MYO3B: variants seen among roughly 807,000 people sequenced by gnomAD.
MYO3B encodes myosin-IIIb.
MYO3B carries 156 observed loss-of-function variants against 174.6 expected under a neutral mutation model. The ratio of observed to expected loss-of-function variants is 0.89; its 90% CI spans 0.78 to 1.02. MYO3B has a LOEUF of 1.02. Ranked by LOEUF, MYO3B falls within the 50% of genes least tolerant of loss-of-function variation. MYO3B has a pLI of 0.00. For synonymous variants in MYO3B, 563 were observed against 569.1 expected, an observed-to-expected ratio of 0.99 and a Z score of 0.15; for missense variants, 1,632 against 1,639.4, an observed-to-expected ratio of 1.00 and a Z score of 0.08.
Position 170,400,180 on chromosome 2 carries a change from CT to C in MYO3B, c.1792-4del. On this transcript the variant is annotated splice_region_variant and splice_polypyrimidine_tract_variant and intron_variant, in intron 16 of 34. Transcript: ENST00000408978. The stretch of plus-strand genomic sequence containing the variant: ...ACCTTCATATATGGTTCTTGATGTC[CT>C]TTTCAGGAGGTGCACTCAGTGTACA... 6.2e-7 allele frequency: 1 copy of C among 1,613,892 alleles called. No individual in the cohort carries two copies. Among genetic ancestry groups the C allele is most frequent in the Non-Finnish European group, 8.5e-7 (1 of 1,179,934 alleles).
intron 29 of MYO3B, among the ~76,000 whole-genome samples, chr2:170,517,232 A>G (rs1287334449): frequency 1.3e-5 from 2 of 152,370 alleles, no homozygotes; most frequent in East Asian, 3.9e-4. Flanking sequence ...TATACTTCAA[A>G]TAACTCTTAA....
At chr2:170,551,631 T>TGGAAGAA (rs1359164639) in intron 32 of MYO3B, among the ~76,000 whole-genome samples, 1 of 77,720 alleles carries the variant, frequency 1.3e-5, no homozygotes, top group East Asian at 2.4e-4. Flanking sequence ...GACAAAGGGA[T>TGGAAGAA]GGAAGAAGAA....
In MYO3B at chr2:170,301,390, G is replaced by T. The variant is rs1350036287; in HGVS notation, c.750-33995G>T. On this transcript the variant is annotated intron_variant, in intron 7 of 34. Transcript: ENST00000408978. ...CATCAAATGATTTATCTGAAATCAG[G>T]AAACAACCACTTATAATACCTCAGA... 3.9e-5 allele frequency among the ~76,000 whole-genome samples: 6 copies of T among 152,150 alleles called. No homozygotes were observed. The East Asian group carries it at 1.2e-3, about 29-fold the overall frequency.
At chr2:170,549,585 A>G (rs1690749797) in intron 32 of MYO3B, among the ~76,000 whole-genome samples, 1 of 152,150 alleles carries the variant, frequency 6.6e-6, no homozygotes, top group African/African-American at 2.4e-5. Flanking sequence ...TTTGGCAGCA[A>G]TTCAGCTATC....
At chr2:170,507,025 T>C (rs1687657616) in intron 28 of MYO3B, among the ~76,000 whole-genome samples, 1 of 152,226 alleles carries the variant, frequency 6.6e-6, no homozygotes, top group South Asian at 2.1e-4. Flanking sequence ...ACACAAAAGC[T>C]AAATTCTTCA....
intron 32 of MYO3B, among the ~76,000 whole-genome samples, chr2:170,635,182 A>G (rs1365429447): frequency 6.6e-6 from 1 of 152,236 alleles, no homozygotes; most frequent in Non-Finnish European, 1.5e-5. Context: ...TTGTGGCATT[A>G]TTCACAGTAT....
chr2:170,383,584 A>G (rs2105741479), intron 11 of MYO3B, 126 bp from the exon 12 acceptor site: 1 of 708,316 alleles, frequency 1.4e-6, no homozygotes, highest in Non-Finnish European at 2.4e-6. Context: ...TCCAGAACCT[A>G]TACCCTACAG....
intron 22 of MYO3B, among the ~76,000 whole-genome samples, chr2:170,436,434 T>C (rs963387150): frequency 6.6e-6 from 1 of 152,226 alleles, no homozygotes; most frequent in Non-Finnish European, 1.5e-5. Context: ...TTCCCACTCA[T>C]TATAAAGCTC....
intron 6 of MYO3B, among the ~76,000 whole-genome samples, chr2:170,224,332 T>C (rs142615764): frequency 8.5e-5 from 13 of 152,324 alleles, no homozygotes; most frequent in African/African-American, 3.1e-4. Flanking sequence ...TTGAAGCTGT[T>C]TGGCTTTTCA....
chr2:170,487,199 T>C (rs1310092878), intron 25 of MYO3B, among the ~76,000 whole-genome samples: 1 of 152,226 alleles, frequency 6.6e-6, no homozygotes, highest in Non-Finnish European at 1.5e-5. Flanking sequence ...CAGTTTCTCA[T>C]ACGACATGGC....
chr2:170,464,594 T>C (rs554663620), intron 24 of MYO3B, among the ~76,000 whole-genome samples: 9 of 152,236 alleles, frequency 5.9e-5, no homozygotes, highest in Admixed American at 2.0e-4. Flanking sequence ...GCCTAGCCAA[T>C]TGTGCTTCAG....
intron 32 of MYO3B, 39 bp from the exon 33 acceptor site, chr2:170,651,589 C>T (rs1353719725): frequency 6.4e-7 from 1 of 1,567,384 alleles, no homozygotes; most frequent in East Asian, 2.2e-5. Flanking sequence ...TTTCCCAACA[C>T]CTCGGACAGT....
intron 6 of MYO3B, among the ~76,000 whole-genome samples, chr2:170,225,853 C>T (rs1289487331): frequency 6.6e-6 from 1 of 152,182 alleles, no homozygotes; most frequent in Non-Finnish European, 1.5e-5. Context: ...TGCAACTGTT[C>T]AGGGCAGTGC....
chr2:170,585,694 G>T (rs1400679837), intron 32 of MYO3B, among the ~76,000 whole-genome samples: 1 of 152,104 alleles, frequency 6.6e-6, no homozygotes, highest in African/African-American at 2.4e-5. Flanking sequence ...CCAGCAACAG[G>T]CTCTGAACAA....
intron 30 of MYO3B, among the ~76,000 whole-genome samples, chr2:170,526,148 AC>A (rs1688983691): frequency 6.6e-6 from 1 of 152,198 alleles, no homozygotes; most frequent in Non-Finnish European, 1.5e-5. Flanking sequence ...TAGTTGAATT[AC>A]TTACGAGCTA....
chr2:170,590,743 C>T (rs1266907642), intron 32 of MYO3B, among the ~76,000 whole-genome samples: 1 of 152,082 alleles, frequency 6.6e-6, no homozygotes, highest in East Asian at 1.9e-4. Context: ...TGCAGAGAAA[C>T]CCAAAAGGGG....
chr2:170,196,505 G>C (rs1369362238), intron 1 of MYO3B, among the ~76,000 whole-genome samples: 1 of 152,184 alleles, frequency 6.6e-6, no homozygotes, highest in Non-Finnish European at 1.5e-5. Context: ...GACAGAGTGA[G>C]AGCCTGTCTC....
At chr2:170,558,217 T>A (rs939426143) in intron 32 of MYO3B, among the ~76,000 whole-genome samples, 1 of 151,138 alleles carries the variant, frequency 6.6e-6, no homozygotes, top group South Asian at 2.1e-4. Context: ...AGGAGAATGG[T>A]GTGAACCCGG....
chr2:170,499,700 A>T lies in MYO3B; in HGVS notation c.3181A>T (p.Ile1061Leu). 6.2e-7 allele frequency: 1 copy of T among 1,614,168 alleles called. No individual in the cohort carries two copies. Among genetic ancestry groups the T allele is most frequent in the Non-Finnish European group, 8.5e-7 (1 of 1,180,004 alleles). ...ATTAAATTTGCTGCTTCGAGAAGTCATAGGCAGAGTGGTTGTGCTGCAGGC... is the reference window on the plus strand; with the variant it reads ...ATTAAATTTGCTGCTTCGAGAAGTCTTAGGCAGAGTGGTTGTGCTGCAGGC... ...EQLNLLLREV[I>L]GRVVVLQAYT... Residue 1061 changes from isoleucine to leucine, a missense_variant, in exon 27 of 35, where the codon ATA becomes TTA. Transcript: ENST00000408978.
Sources: gnomAD v4.1 joint callset for allele counts (sites outside exome capture counted in the v4.1 genomes callset) on GRCh38, gnomAD v4.1.1 for gene constraint, MANE v1.5 for transcripts, NCBI Gene and HGNC (gene_info 2026-07-23, HGNC 2026-07-21) for gene names.